The following GHRHR variants were observed in gnomAD, a reference collection of about 807,000 sequenced individuals.
The protein encoded by GHRHR is growth hormone releasing hormone receptor, also known as growth hormone-releasing hormone receptor.
GHRHR carries 40 observed loss-of-function variants against 58.3 expected under a neutral mutation model. The observed-to-expected ratio is 0.69, with a 90% confidence interval of 0.53 to 0.89. The LOEUF is 0.89. GHRHR is among the 40% of genes least tolerant of loss of function. GHRHR has a pLI of 0.00. For missense variants in GHRHR, 551 were observed against 541.3 expected (o/e 1.02, Z -0.18); for synonymous variants, 249 against 216.6 (o/e 1.15, Z -1.31).
chr7:30,973,856 C>T (rs1285128802), intron 6 of GHRHR, 129 bp from the exon 7 acceptor site: 1 of 885,858 alleles, frequency 1.1e-6, no homozygotes, highest in African/African-American at 1.7e-5. Context: ...CTTGGGTGGC[C>T]CAAGGAGCTG....
rs1792643870 is a variant in GHRHR at position 30,979,195 on chromosome 7, G to C, written c.1223G>C (p.Trp408Ser). The C allele has an allele frequency of 1.2e-6, 2 of 1,613,904 alleles. No individual in the cohort carries two copies. The highest frequency in any genetic ancestry group is 1.7e-6 in the Non-Finnish European group (2 of 1,179,876). ...CCAGCCTGGAGGACCCGTGCTAAGTGGACCACGCCTTCCCGCTCGGCGGCA... is the reference window on the plus strand; with the variant it reads ...CCAGCCTGGAGGACCCGTGCTAAGTCGACCACGCCTTCCCGCTCGGCGGCA... Reference protein sequence around the residue: ...LLPAWRTRAKWTTPSRSAAKV... With the variant: ...LLPAWRTRAKSTTPSRSAAKV... The change falls in exon 13 of 13, where the codon TGG becomes TCG. Residue 408 changes from tryptophan to serine, a missense_variant. By Grantham distance (177) the Trp-to-Ser change is radical. Coordinates refer to ENST00000326139, the MANE Select transcript of GHRHR (RefSeq NM_000823.4).
At chr7:30,976,305 C>A in intron 10 of GHRHR, 124 bp from the exon 11 acceptor site, 1 of 856,544 alleles carries the variant, frequency 1.2e-6, no homozygotes, top group Non-Finnish European at 2.0e-6. Context: ...GGGGAGGTGG[C>A]GTTTCCCAAG....
intron 12 of GHRHR, among the ~76,000 whole-genome samples, chr7:30,978,530 G>A (rs1416844868): frequency 1.3e-5 from 2 of 152,070 alleles, no homozygotes; most frequent in Admixed American, 6.6e-5. Context: ...ACCCCAGTTC[G>A]GCTCTACTGC....
intron 1 of GHRHR, among the ~76,000 whole-genome samples, chr7:30,967,819 C>T (rs1792389567): frequency 6.6e-6 from 1 of 152,176 alleles, no homozygotes; most frequent in South Asian, 2.1e-4. Context: ...TACCCATTTG[C>T]TCATGTGTTC....
At chr7:30,975,999 A>G (rs898010721) in intron 10 of GHRHR, 131 bp downstream of exon 10, 2 of 706,594 alleles carry the variant, frequency 2.8e-6, no homozygotes, top group African/African-American at 1.8e-5. Flanking sequence ...CAGAGACAGA[A>G]TAGACCTGGC....
intron 1 of GHRHR, among the ~76,000 whole-genome samples, chr7:30,967,356 C>T (rs1584410523): frequency 6.6e-6 from 1 of 152,320 alleles, no homozygotes; most frequent in Non-Finnish European, 1.5e-5. Context: ...TTGAGGCACA[C>T]TTTCAGAAGT....
Position 30,963,981 on chromosome 7 carries a change from T to C in GHRHR, c.-88T>C. 1 of 1,248,154 alleles carries C rather than the reference T, an allele frequency of 8.0e-7. No individual in the cohort carries two copies. The highest frequency in any genetic ancestry group is 1.3e-5 in the South Asian group (1 of 78,364). 77.3% of individuals were successfully genotyped at this position (1,248,154 alleles called of 1,614,324 possible). A position where few individuals can be genotyped will look rare whatever the true frequency, so the allele number is the denominator to read the frequency against. ...TGAGAAGGGGAAGCAGAGGGTGCGG[T>C]GGAAACGGCTGTGTCAGGGGACAGC... On this transcript the variant is annotated 5_prime_UTR_variant, in exon 1 of 13. Coordinates refer to ENST00000326139, the MANE Select transcript of GHRHR (RefSeq NM_000823.4).
At position 30,979,175 on chromosome 7, in the gene GHRHR, C is replaced by A. The variant is rs1007975822; in HGVS notation, c.1203C>A (p.Ala401=). 6.2e-7 allele frequency: 1 copy of A among 1,613,676 alleles called. No individual in the cohort carries two copies. The highest frequency in any genetic ancestry group is 8.5e-7 in the Non-Finnish European group (1 of 1,179,534). ...WHGHDPELLP[A]WRTRAKWTTP... ...GCCATGACCCTGAGCTTCTGCCAGC[C>A]TGGAGGACCCGTGCTAAGTGGACCA... is the stretch of plus-strand genomic sequence containing the variant. The change falls in exon 13 of 13, where the codon GCC becomes GCA. Residue 401 remains alanine, a synonymous_variant. Coordinates refer to ENST00000326139, the MANE Select transcript of GHRHR (RefSeq NM_000823.4).
intron 11 of GHRHR, 131 bp downstream of exon 11, chr7:30,976,689 C>T: frequency 1.3e-6 from 1 of 771,074 alleles, no homozygotes; most frequent in Non-Finnish European, 2.2e-6. Flanking sequence ...AAATATCTGT[C>T]TGTCTGTCCA....
rs941629588 is a variant in GHRHR, at chr7:30,969,789, T to G, written c.269-78T>G. ...CCATGCAAACCCTGCCAGGGTCACT[T>G]GATGGTCCCTGGCACCCCCAGCCCC... On this transcript the variant is annotated intron_variant, in intron 3 of 12. Coordinates refer to ENST00000326139, the MANE Select transcript of GHRHR (RefSeq NM_000823.4). The G allele has an allele frequency of 2.2e-6, 3 of 1,385,636 alleles. No homozygotes were observed. The African/African-American group carries it at 4.3e-5, about 20-fold the overall frequency. The allele number at this position is 1,385,636 out of a possible 1,614,324, so 85.8% of individuals were successfully genotyped here. A position where few individuals can be genotyped will look rare whatever the true frequency, so the allele number is the denominator to read the frequency against.
At chr7:30,976,068 C>A in intron 10 of GHRHR, 200 bp downstream of exon 10, 1 of 611,362 alleles carries the variant, frequency 1.6e-6, no homozygotes, top group Non-Finnish European at 3.0e-6. Flanking sequence ...AGCCAGCTCC[C>A]ATGCCAAATA....
intron 4 of GHRHR, 26 bp downstream of exon 4, chr7:30,969,990 G>A: frequency 1.1e-6 from 1 of 929,016 alleles, no homozygotes; most frequent in Non-Finnish European, 1.8e-6. Context: ...CATCTTGGAG[G>A]AAGGACTGCC....
At position 30,969,871 on chromosome 7, in the gene GHRHR, T is replaced by C. The variant is rs1584412270; in HGVS notation, c.273T>C (p.Ala91=). The change falls in exon 4 of 13, where the codon GCT becomes GCC. Residue 91 remains alanine, a synonymous_variant. Coordinates refer to ENST00000326139, the MANE Select transcript of GHRHR (RefSeq NM_000823.4). The part of the protein sequence containing the change: ...FFSHFSSESG[A]VKRDCTITGW... ...AGAGTCTTGCTTGCCTCCCAGGGGC[T>C]GTGAAACGGGATTGTACTATCACTG... The C allele has an allele frequency of 6.2e-7, 1 of 1,613,502 alleles. No individual in the cohort carries two copies. Among genetic ancestry groups the C allele is most frequent in the Non-Finnish European group, 8.5e-7 (1 of 1,179,382 alleles).
Position 30,975,044 on chromosome 7 carries a change from A to T in GHRHR, c.882+4A>T, listed in dbSNP as rs1029838964. The T allele has an allele frequency of 6.2e-7, 1 of 1,601,172 alleles. No homozygotes were observed. The highest frequency in any genetic ancestry group is 8.6e-7 in the Non-Finnish European group (1 of 1,168,322). ...GCCCATTGTCCTCTCGGTCGGGGTC[A>T]GTCCCTGGGCCAGTGCCCTTTGCTT... On this transcript the variant is annotated splice_donor_region_variant and intron_variant, in intron 9 of 12. Transcript: ENST00000326139.
chr7:30,979,029 C>A (rs925986989), intron 12 of GHRHR, 90 bp from the exon 13 acceptor site: 1 of 1,245,626 alleles, frequency 8.0e-7, no homozygotes, highest in Non-Finnish European at 1.2e-6. Context: ...GTTTCTCTTA[C>A]ACGGCCTCTC....
At position 30,972,072 on chromosome 7, in the gene GHRHR, A is replaced by C. The variant is rs1441308890; in HGVS notation, c.574A>C (p.Thr192Pro). Residue 192 changes from threonine to proline, a missense_variant, in exon 6 of 13, where the codon ACT becomes CCT. By Grantham distance (38) the Thr-to-Pro change is conservative (BLOSUM62 -1). Coordinates refer to ENST00000326139, the MANE Select transcript of GHRHR (RefSeq NM_000823.4). ...TGCTGCCCTTTTCCACAGCGACGAC[A>C]CTGACCACTGCAGCTTCTCCACTGT... ...KDAALFHSDD[T>P]DHCSFSTVLC... 1.9e-6 allele frequency: 3 copies of C among 1,614,076 alleles called. No individual in the cohort carries two copies. Among genetic ancestry groups the C allele is most frequent in the Non-Finnish European group, 2.5e-6 (3 of 1,179,998 alleles).
chr7:30,979,491 G>T lies in GHRHR; in HGVS notation c.*247G>T. On this transcript the variant is annotated 3_prime_UTR_variant, in exon 13 of 13. Coordinates refer to ENST00000326139, the MANE Select transcript of GHRHR (RefSeq NM_000823.4). ...CCTCTTACTGGGGCCTGGGGCTCTAGCCCAAGGCTCAGAGGAGCCAATAAA... is the reference window on the plus strand; with the variant it reads ...CCTCTTACTGGGGCCTGGGGCTCTATCCCAAGGCTCAGAGGAGCCAATAAA... 2.1e-6 allele frequency: 1 copy of T among 481,188 alleles called. No individual in the cohort carries two copies. The highest frequency in any genetic ancestry group is 3.8e-6 in the Non-Finnish European group (1 of 259,874). 29.8% of individuals were successfully genotyped at this position (481,188 alleles called of 1,614,324 possible). A position where few individuals can be genotyped will look rare whatever the true frequency, so the allele number is the denominator to read the frequency against.
intron 1 of GHRHR, among the ~76,000 whole-genome samples, chr7:30,964,522 G>C (rs1792301156): frequency 6.6e-6 from 1 of 152,160 alleles, no homozygotes; most frequent in African/African-American, 2.4e-5. Flanking sequence ...TCTCTCAGCT[G>C]TGCACCTGTG....
At chr7:30,968,128 C>T (rs1411085517) in intron 1 of GHRHR, among the ~76,000 whole-genome samples, 1 of 152,188 alleles carries the variant, frequency 6.6e-6, no homozygotes, top group Non-Finnish European at 1.5e-5. Context: ...CAGGCCTACT[C>T]AGATAATCAA....
Sources: gnomAD v4.1 joint callset for allele counts (sites outside exome capture counted in the v4.1 genomes callset) on GRCh38, gnomAD v4.1.1 for gene constraint, MANE v1.5 for transcripts, NCBI Gene and HGNC (gene_info 2026-07-23, HGNC 2026-07-21) for gene names.